Variants in MALRD1 observed in about 807,000 individuals in gnomAD.
MALRD1 encodes MAM and LDL-receptor class A domain-containing protein 1.
MALRD1 carries 247 observed loss-of-function variants against 242.1 expected under a neutral mutation model. The ratio of observed to expected loss-of-function variants is 1.02; its 90% CI spans 0.92 to 1.13. MALRD1 has a LOEUF of 1.13. Ranked by LOEUF, MALRD1 falls within the 50% of genes most tolerant of loss-of-function variation. The pLI is 0.00. For synonymous variants in MALRD1, 995 were observed against 866.6 expected (o/e 1.15, Z -2.60); for missense variants, 2,989 against 2,533.1 (o/e 1.18, Z -3.86).
intron 36 of MALRD1, chr10:19,633,660 A>G (rs1172607593): frequency 1.3e-5 from 2 of 152,038 alleles, no homozygotes. Context: ...CTTGTGAAAA[A>G]ACACTTACAG....
intron 9 of MALRD1, among the ~76,000 whole-genome samples, chr10:19,135,347 G>T (rs530562777): frequency 7.9e-5 from 12 of 152,190 alleles, no homozygotes; most frequent in South Asian, 2.1e-4. Context: ...GTAGAGATGG[G>T]TTTTATCATA....
At chr10:19,228,259 C>G (rs775785683) in intron 18 of MALRD1, among the ~76,000 whole-genome samples, 1 of 152,096 alleles carries the variant, frequency 6.6e-6, no homozygotes, top group Non-Finnish European at 1.5e-5. Flanking sequence ...AAGTGAATAT[C>G]AAAAGCATTA....
chr10:19,543,433 C>CTATTTTTT (rs778674889), intron 32 of MALRD1, among the ~76,000 whole-genome samples: 1,608 of 106,396 alleles, frequency 0.015, 59 homozygotes, highest in African/African-American at 0.052. Context: ...CAGCTGATTT[C>CTATTTTTT]TTTTTTTTTT....
At chr10:19,313,839 T>G (rs1298446097) in intron 21 of MALRD1, among the ~76,000 whole-genome samples, 2 of 151,562 alleles carry the variant, frequency 1.3e-5, no homozygotes, top group Non-Finnish European at 3.0e-5. Flanking sequence ...TTGCCCCTAA[T>G]GAGAATAGTT....
chr10:19,475,345 G>A (rs1836682809), intron 29 of MALRD1, among the ~76,000 whole-genome samples: 2 of 152,206 alleles, frequency 1.3e-5, no homozygotes, highest in Admixed American at 6.5e-5. Context: ...AACCCAGGAG[G>A]CGGAGCTTGC....
intron 31 of MALRD1, among the ~76,000 whole-genome samples, chr10:19,515,375 C>CT (rs904736636): frequency 1.3e-5 from 2 of 151,948 alleles, no homozygotes; most frequent in Admixed American, 6.6e-5. Context: ...TCATAGTACA[C>CT]TTTTTTTGGT....
At chr10:19,706,350 C>G (rs768439201) in intron 38 of MALRD1, among the ~76,000 whole-genome samples, 1 of 152,024 alleles carries the variant, frequency 6.6e-6, no homozygotes, top group Non-Finnish European at 1.5e-5. Context: ...GACTTTTGCT[C>G]TTTCGCCCAG....
chr10:19,658,646 A>G (rs1360203222), intron 36 of MALRD1, among the ~76,000 whole-genome samples: 1 of 152,134 alleles, frequency 6.6e-6, no homozygotes, highest in Non-Finnish European at 1.5e-5. Flanking sequence ...CTGATCTCCA[A>G]CTTTCTTATG....
In MALRD1 at chr10:19,345,903, T is replaced by C. The variant is rs139034689; in HGVS notation, c.3902-1868T>C. Among the ~76,000 whole-genome samples, 613 of 152,218 alleles carry C rather than the reference T, an allele frequency of 4.0e-3. 12 individuals carry two copies. The highest frequency in any genetic ancestry group is 0.028 in the East Asian group (146 of 5,174). On this transcript the variant is annotated intron_variant, in intron 24 of 39. Transcript: ENST00000454679. ...TTTTCTTATATATCCCCAAATGACA[T>C]AGAAACGATGGTAAAACTCGTATGT...
At chr10:19,184,496 T>C (rs1276765168) in intron 14 of MALRD1, among the ~76,000 whole-genome samples, 3 of 152,204 alleles carry the variant, frequency 2.0e-5, no homozygotes, top group Non-Finnish European at 4.4e-5. Context: ...TTCTTTAGGA[T>C]AGATCATAAA....
intron 11 of MALRD1, among the ~76,000 whole-genome samples, chr10:19,148,788 A>AAAAAAATATATATAT (rs1206724666): frequency 1.1e-5 from 1 of 88,016 alleles, no homozygotes; most frequent in Non-Finnish European, 2.5e-5. Context: ...AAAAAAAAAA[A>AAAAAAATATATATAT]ATATATATAT....
At chr10:19,612,080 G>T (rs1564483918) in intron 35 of MALRD1, among the ~76,000 whole-genome samples, 2 of 151,952 alleles carry the variant, frequency 1.3e-5, no homozygotes, top group African/African-American at 2.4e-5. Flanking sequence ...ATACTCTGCA[G>T]TCTCAGACAC....
At chr10:19,149,077 CATCTATCTATCTATCTATCT>C (rs10657245) in intron 11 of MALRD1, among the ~76,000 whole-genome samples, 4 of 143,920 alleles carry the variant, frequency 2.8e-5, no homozygotes, top group Non-Finnish European at 6.0e-5. Context: ...TCTATCTGTC[CATCTATCTATCTATCTATCT>C]ATCTATCTAT....
intron 36 of MALRD1, among the ~76,000 whole-genome samples, chr10:19,637,455 G>C (rs769442927): frequency 6.6e-6 from 1 of 152,190 alleles, no homozygotes; most frequent in Non-Finnish European, 1.5e-5. Context: ...ACCAGGTAAA[G>C]TGACTTAGTC....
intron 5 of MALRD1, among the ~76,000 whole-genome samples, chr10:19,119,025 G>T (rs1379990926): frequency 6.6e-6 from 1 of 152,148 alleles, no homozygotes; most frequent in East Asian, 1.9e-4. Context: ...GGAAAGAGAT[G>T]ATGTTTCCTG....
At chr10:19,532,297 C>T (rs1237070088) in intron 32 of MALRD1, among the ~76,000 whole-genome samples, 1 of 152,058 alleles carries the variant, frequency 6.6e-6, no homozygotes, top group Admixed American at 6.6e-5. Context: ...CTCTGTCGCC[C>T]CGACTGAAGT....
At chr10:19,133,110 T>C (rs35935750) in intron 8 of MALRD1, among the ~76,000 whole-genome samples, 8,320 of 152,148 alleles carry the variant, frequency 0.055, 455 homozygotes, top group Admixed American at 0.17. Context: ...GGCTAATTTT[T>C]GTATTTTTAG....
intron 38 of MALRD1, among the ~76,000 whole-genome samples, chr10:19,705,157 T>A (rs1833807199): frequency 6.6e-6 from 1 of 152,204 alleles, no homozygotes; most frequent in Non-Finnish European, 1.5e-5. Flanking sequence ...AACATTTGTA[T>A]GATAATGTGA....
At chr10:19,169,118 G>C (rs778257464) in intron 13 of MALRD1, among the ~76,000 whole-genome samples, 1 of 152,100 alleles carries the variant, frequency 6.6e-6, no homozygotes, top group African/African-American at 2.4e-5. Flanking sequence ...CTGAACCACT[G>C]TGAGGCCTTT....
Sources: gnomAD v4.1 joint callset for allele counts (sites outside exome capture counted in the v4.1 genomes callset) on GRCh38, gnomAD v4.1.1 for gene constraint, MANE v1.5 for transcripts, NCBI Gene and HGNC (gene_info 2026-07-23, HGNC 2026-07-21) for gene names.